Variants in KCNQ1 observed in about 807,000 individuals in gnomAD.
KCNQ1 encodes the protein potassium voltage-gated channel subfamily Q member 1, also known as potassium voltage-gated channel subfamily KQT member 1.
In KCNQ1, 49 loss-of-function variants were observed where a neutral mutation model predicts 72.4. The observed-to-expected ratio is 0.68, with a 90% CI of 0.54 to 0.86. The LOEUF (loss-of-function observed/expected upper bound fraction) is 0.86, where lower values mean the gene tolerates loss of function less well. Among genes scored for constraint, KCNQ1 ranks in the 40% least tolerant of loss-of-function variants. KCNQ1 has a pLI of 0.00. For missense variants in KCNQ1, 790 were observed against 945.1 expected, an observed-to-expected ratio of 0.84 and a Z score of 2.15; for synonymous variants, 450 against 412.6, an observed-to-expected ratio of 1.09 and a Z score of -1.10.
At chr11:2,577,451 C>T (rs752171179) in intron 6 of KCNQ1, among the ~76,000 whole-genome samples, 3 of 152,204 alleles carry the variant, frequency 2.0e-5, no homozygotes, top group Non-Finnish European at 2.9e-5. Context: ...GGCTGTACCT[C>T]GGGGAAGACG....
chr11:2,646,525 T>G (rs915929476), intron 10 of KCNQ1: 6 of 398,512 alleles, frequency 1.5e-5, no homozygotes, highest in African/African-American at 1.0e-4. Context: ...ACTGATTTTT[T>G]GGGGGAGGCA....
intron 1 of KCNQ1, among the ~76,000 whole-genome samples, chr11:2,489,082 A>G (rs532519950): frequency 1.4e-4 from 22 of 152,344 alleles, no homozygotes; most frequent in Middle Eastern, 3.4e-3. Flanking sequence ...CCTTCATAAG[A>G]ACCAAAATTC....
chr11:2,669,119 G>T lies in KCNQ1; in HGVS notation c.1514+7038G>T. ...CAGCTCACTGGCTACGTGTGGCTCT[G>T]TTTCTGGACCCTATTGGGTGCCACT... On this transcript the variant is annotated intron_variant, in intron 11 of 15. Coordinates refer to ENST00000155840, the MANE Select transcript of KCNQ1 (RefSeq NM_000218.3). This position sits in a 1 kb window ranked among gnomAD's most constrained non-coding sequence, Gnocchi z 5.6. 4 of 398,708 alleles carry T rather than the reference G, an allele frequency of 1.0e-5. No individual in the cohort carries two copies. Among genetic ancestry groups the T allele is most frequent in the Non-Finnish European group, 1.8e-5 (4 of 226,126 alleles). The allele number at this position is 398,708 out of a possible 1,614,324, so 24.7% of individuals were successfully genotyped here.
chr11:2,815,086 C>T lies in KCNQ1; in HGVS notation c.1795-32681C>T, dbSNP rs1401742040. 6.6e-6 allele frequency among the ~76,000 whole-genome samples: 1 copy of T among 152,230 alleles called. No homozygotes were observed. The highest frequency in any genetic ancestry group is 1.5e-5 in the Non-Finnish European group (1 of 68,038). On this transcript the variant is annotated intron_variant, in intron 15 of 15. Coordinates refer to ENST00000155840, the MANE Select transcript of KCNQ1 (RefSeq NM_000218.3). This position sits in a 1 kb window ranked among gnomAD's most constrained non-coding sequence, Gnocchi z 5.4. ...CCAGGCACCTGCTGCGTGCTGAGCA[C>T]CATGCTGGGTGCTTCCTGTGCTCTC...
At chr11:2,480,435 A>G (rs1042486384) in intron 1 of KCNQ1, among the ~76,000 whole-genome samples, 14 of 152,364 alleles carry the variant, frequency 9.2e-5, no homozygotes, top group Non-Finnish European at 1.9e-4. Flanking sequence ...GGCAGCTGGC[A>G]AAGAGAGAAT....
intron 10 of KCNQ1, chr11:2,632,986 A>T (rs182985429): frequency 3.8e-5 from 15 of 398,476 alleles, no homozygotes; most frequent in Non-Finnish European, 6.2e-5. Context: ...TTTTTGACAA[A>T]ACACCACAGT....
At chr11:2,777,727 C>G (rs1590082776) in intron 14 of KCNQ1, 2 of 608,192 alleles carry the variant, frequency 3.3e-6, no homozygotes, top group Non-Finnish European at 5.9e-6. Context: ...CCCCCTAGGG[C>G]TCTCAGAGGT....
intron 11 of KCNQ1, chr11:2,662,761 CG>C (rs1336347264): frequency 5.0e-6 from 2 of 399,166 alleles, no homozygotes; most frequent in Non-Finnish European, 8.8e-6. Flanking sequence ...GCTGCTAACC[CG>C]TTGGGGATTC....
At chr11:2,474,567 G>T (rs370478895) in intron 1 of KCNQ1, among the ~76,000 whole-genome samples, 2 of 152,328 alleles carry the variant, frequency 1.3e-5, no homozygotes, top group African/African-American at 4.8e-5. Flanking sequence ...GAGGGGCAGC[G>T]GTGGAGCCCA....
chr11:2,794,615 T>C (rs75639801), intron 15 of KCNQ1, among the ~76,000 whole-genome samples: 1 of 152,220 alleles, frequency 6.6e-6, no homozygotes, highest in Non-Finnish European at 1.5e-5. Flanking sequence ...GCATGTGTGT[T>C]CACAGATTAG....
intron 15 of KCNQ1, among the ~76,000 whole-genome samples, chr11:2,793,058 C>T (rs1445505720): frequency 3.3e-5 from 5 of 152,216 alleles, no homozygotes; most frequent in African/African-American, 1.2e-4. Flanking sequence ...AGGGTGAACA[C>T]CCCGTCAGGG....
Position 2,752,955 on chromosome 11 carries a change from T to C in KCNQ1, c.1515-15889T>C, listed in dbSNP as rs1452994214. Among the ~76,000 whole-genome samples, 1 of 152,130 alleles carries C rather than the reference T, an allele frequency of 6.6e-6. No homozygotes were observed. Among genetic ancestry groups the C allele is most frequent in the Non-Finnish European group, 1.5e-5 (1 of 68,012 alleles). On this transcript the variant is annotated intron_variant, in intron 11 of 15. Coordinates refer to ENST00000155840, the MANE Select transcript of KCNQ1 (RefSeq NM_000218.3). The surrounding 1 kb of genome is among the most constrained non-coding windows in gnomAD (Gnocchi z 5.2). ...AAGGTCTGCCCTGGCTGGTCTGGGC[T>C]TGAGGACCAGCACGGGATCGTTCTC...
At chr11:2,717,015 T>C (rs1411332425) in intron 11 of KCNQ1, among the ~76,000 whole-genome samples, 1 of 152,192 alleles carries the variant, frequency 6.6e-6, no homozygotes, top group African/African-American at 2.4e-5. Context: ...AGCACAGCCA[T>C]GGTCCTGCTG....
Position 2,600,603 on chromosome 11 carries a change from G to A in KCNQ1, c.1393+11749G>A, listed in dbSNP as rs1344887194. On this transcript the variant is annotated intron_variant, in intron 10 of 15. Transcript: ENST00000155840. This position sits in a 1 kb window ranked among gnomAD's most constrained non-coding sequence, Gnocchi z 5.6. Reference sequence around the variant, plus strand: ...CTTTGAAAGCAGTAATACAGTTATTGACTTCTGCAATTAAACATCAATATA... The same window carrying A: ...CTTTGAAAGCAGTAATACAGTTATTAACTTCTGCAATTAAACATCAATATA... Among the ~76,000 whole-genome samples, 1 of 152,084 alleles carries A rather than the reference G, an allele frequency of 6.6e-6. No homozygotes were observed. The highest frequency in any genetic ancestry group is 2.4e-5 in the African/African-American group (1 of 41,398).
chr11:2,683,677 T>G lies in KCNQ1; in HGVS notation c.1514+21596T>G, dbSNP rs893828657. ...CCTTACTTTCCCATCTCAATACAAC[T>G]GTGAAAAGCCTAGCCTGGGACTCAG... On this transcript the variant is annotated intron_variant, in intron 11 of 15. Coordinates refer to ENST00000155840, the MANE Select transcript of KCNQ1 (RefSeq NM_000218.3). This position sits in a 1 kb window ranked among gnomAD's most constrained non-coding sequence, Gnocchi z 4.7. 7 of 398,528 alleles carry G rather than the reference T, an allele frequency of 1.8e-5. No individual in the cohort carries two copies. The highest frequency in any genetic ancestry group is 3.1e-5 in the Non-Finnish European group (7 of 226,086). The allele number at this position is 398,528 out of a possible 1,614,324, so 24.7% of individuals were successfully genotyped here.
At chr11:2,685,614 T>A (rs753755293) in intron 11 of KCNQ1, 1 of 398,718 alleles carries the variant, frequency 2.5e-6, no homozygotes, top group Non-Finnish European at 4.4e-6. Context: ...TGCAGCTGGC[T>A]GTTGCCATTC....
rs1240309839 is a variant in KCNQ1, at chr11:2,785,863, A to C, written c.1794+7826A>C. The stretch of plus-strand genomic sequence containing the variant: ...TGAATATATATCAGAAGTAATTGCT[A>C]TATCTACCCATATCTGTAATAAAAT... On this transcript the variant is annotated intron_variant, in intron 15 of 15. Transcript: ENST00000155840. This position sits in a 1 kb window ranked among gnomAD's most constrained non-coding sequence, Gnocchi z 4.4. Among the ~76,000 whole-genome samples the C allele has an allele frequency of 6.6e-6, 1 of 152,082 alleles. No homozygotes were observed. Among genetic ancestry groups the C allele is most frequent in the African/African-American group, 2.4e-5 (1 of 41,456 alleles).
chr11:2,730,969 C>T (rs1034406135), intron 11 of KCNQ1, among the ~76,000 whole-genome samples: 3 of 152,196 alleles, frequency 2.0e-5, no homozygotes, highest in South Asian at 2.1e-4. Context: ...TCCTCCCAGC[C>T]GCCGCTCTCT....
chr11:2,646,038 A>G, intron 10 of KCNQ1: 2 of 398,658 alleles, frequency 5.0e-6, no homozygotes, highest in Non-Finnish European at 8.8e-6. Context: ...CTTTCTGCAC[A>G]TCGAGGAGTC....
Sources: allele counts gnomAD v4.1 joint callset (sites outside exome capture counted in the v4.1 genomes callset), GRCh38; gene constraint gnomAD v4.1.1; non-coding constraint Gnocchi (gnomAD v3.1); transcripts MANE v1.5; gene names NCBI Gene and HGNC (gene_info 2026-07-23, HGNC 2026-07-21).